GUCY2C: variants seen among roughly 807,000 people sequenced by gnomAD.
GUCY2C encodes guanylate cyclase 2C.
Under a neutral mutation model 131.1 loss-of-function variants are expected in GUCY2C, and 118 were observed. That is an observed-to-expected ratio of 0.90 (90% CI 0.78 to 1.05). The LOEUF (loss-of-function observed/expected upper bound fraction) is 1.05, where lower values mean the gene tolerates loss of function less well. GUCY2C is among the 50% of genes least tolerant of loss of function. The pLI, the probability that GUCY2C is intolerant of heterozygous loss-of-function variation, is 0.00. For missense variants in GUCY2C, 1,161 were observed against 1,304.4 expected, an observed-to-expected ratio of 0.89 and a Z score of 1.69; for synonymous variants, 452 against 457.8, an observed-to-expected ratio of 0.99 and a Z score of 0.16.
intron 25 of GUCY2C, 117 bp downstream of exon 25, chr12:14,616,516 A>T: frequency 1.4e-6 from 1 of 712,068 alleles, no homozygotes; most frequent in Non-Finnish European, 2.6e-6. Flanking sequence ...GAGGGTGCTC[A>T]TCGTGATGAG....
chr12:14,651,602 G>C (rs1947660610), intron 14 of GUCY2C, 91 bp from the exon 15 acceptor site: 1 of 701,704 alleles, frequency 1.4e-6, no homozygotes, highest in Non-Finnish European at 2.6e-6. Context: ...TTTTGTTTCA[G>C]ATCTTTGAGA....
In GUCY2C at chr12:14,643,651, G is replaced by A; in HGVS notation, c.1853C>T (p.Thr618Ile). 6.2e-7 allele frequency: 1 copy of A among 1,612,828 alleles called. No homozygotes were observed. The highest frequency in any genetic ancestry group is 8.5e-7 in the Non-Finnish European group (1 of 1,178,834). Residue 618 changes from threonine to isoleucine, a missense_variant, in exon 17 of 27, where the codon ACC becomes ATC. Physicochemically the swap from Thr to Ile is moderately conservative, Grantham distance 89 (BLOSUM62 -1). Transcript: ENST00000261170. ...CATTCTACTGTCCACTACGCAGTTGGTAGATTTCAGACGACCATGGACTTC... is the reference window on the plus strand; with the variant it reads ...CATTCTACTGTCCACTACGCAGTTGATAGATTTCAGACGACCATGGACTTC... ...KTEVHGRLKS[T>I]NCVVDSRMVV...
intron 10 of GUCY2C, among the ~76,000 whole-genome samples, chr12:14,668,171 T>A (rs1948023647): frequency 6.7e-6 from 1 of 150,338 alleles, no homozygotes; most frequent in Non-Finnish European, 1.5e-5. Context: ...GTCCACTAAT[T>A]TATATATATA....
In GUCY2C at chr12:14,630,195, G is replaced by C. The variant is rs548593805; in HGVS notation, c.2158-1458C>G. ...AAAAACAAGATCATAAGTGATACTA[G>C]ATGCAATCCCTGTCCCTGTACTTTG... is the stretch of plus-strand genomic sequence containing the variant. On this transcript the variant is annotated intron_variant, in intron 19 of 26. Coordinates refer to ENST00000261170, the MANE Select transcript of GUCY2C (RefSeq NM_004963.4). Among the ~76,000 whole-genome samples, 89 of 151,420 alleles carry C rather than the reference G, an allele frequency of 5.9e-4. 2 individuals are homozygous for C. The South Asian group carries it at 0.018, about 31-fold the overall frequency.
intron 19 of GUCY2C, among the ~76,000 whole-genome samples, chr12:14,631,395 T>C (rs3983699): frequency 0.89 from 120,124 of 134,940 alleles, 55,328 homozygotes; most frequent in Non-Finnish European, 1. Flanking sequence ...CCCTACCCCA[T>C]AACAGTCCCC....
intron 10 of GUCY2C, 112 bp downstream of exon 10, chr12:14,669,610 A>C (rs1210484600): frequency 3.2e-6 from 2 of 626,570 alleles, no homozygotes; most frequent in African/African-American, 3.7e-5. Flanking sequence ...TCAAACTGGG[A>C]CAGCAGACAA....
chr12:14,625,459 C>A (rs1378549031), intron 21 of GUCY2C, among the ~76,000 whole-genome samples: 3 of 151,688 alleles, frequency 2.0e-5, no homozygotes, highest in African/African-American at 4.8e-5. Context: ...TCCCGAGTAG[C>A]TGGGACTAAA....
chr12:14,651,224 T>G (rs1349886083), intron 15 of GUCY2C, among the ~76,000 whole-genome samples, 183 bp downstream of exon 15: 1 of 152,222 alleles, frequency 6.6e-6, no homozygotes, highest in Non-Finnish European at 1.5e-5. Flanking sequence ...CCTGAAATTT[T>G]TTTTGCTTGT....
chr12:14,688,100 G>C, intron 1 of GUCY2C, 37 bp from the exon 2 acceptor site: 1 of 1,226,314 alleles, frequency 8.2e-7, no homozygotes, highest in Non-Finnish European at 1.2e-6. Flanking sequence ...GAACACTAGT[G>C]TTATTTTTCA....
chr12:14,634,564 T>A (rs1947220248), intron 19 of GUCY2C, among the ~76,000 whole-genome samples: 1 of 152,164 alleles, frequency 6.6e-6, no homozygotes, highest in South Asian at 2.1e-4. Flanking sequence ...AAAGGATGTA[T>A]AAACAACCAG....
intron 3 of GUCY2C, 138 bp downstream of exon 3, chr12:14,686,023 G>A: frequency 3.3e-6 from 2 of 609,708 alleles, no homozygotes; most frequent in Admixed American, 2.8e-5. Context: ...CTGGATAAGA[G>A]AATGACAGTT....
At chr12:14,620,331 A>G (rs1209347829) in intron 23 of GUCY2C, among the ~76,000 whole-genome samples, 1 of 152,224 alleles carries the variant, frequency 6.6e-6, no homozygotes, top group Non-Finnish European at 1.5e-5. Context: ...TGACCAAATC[A>G]GGGGAACACA....
intron 10 of GUCY2C, among the ~76,000 whole-genome samples, chr12:14,668,477 T>C (rs1178396986): frequency 6.6e-6 from 1 of 151,956 alleles, no homozygotes; most frequent in Non-Finnish European, 1.5e-5. Flanking sequence ...CCTTAATTTA[T>C]AAATGTTTGT....
intron 9 of GUCY2C, 37 bp downstream of exon 9, chr12:14,672,836 C>T (rs1244478369): frequency 8.3e-7 from 1 of 1,205,118 alleles, no homozygotes; most frequent in Non-Finnish European, 1.2e-6. Context: ...CACCCAGTCA[C>T]AGCACCCTGA....
At chr12:14,634,991 A>G (rs1163375564) in intron 19 of GUCY2C, among the ~76,000 whole-genome samples, 1 of 152,246 alleles carries the variant, frequency 6.6e-6, no homozygotes, top group African/African-American at 2.4e-5. Flanking sequence ...ATCTAAAGGA[A>G]GAAGTAGATT....
Position 14,688,277 on chromosome 12 carries a change from A to C in GUCY2C, c.218-214T>G, listed in dbSNP as rs980681666. On this transcript the variant is annotated intron_variant, in intron 1 of 26. Coordinates refer to ENST00000261170, the MANE Select transcript of GUCY2C (RefSeq NM_004963.4). ...ATCTCTGTTTCTCTCTCTCTCTCTCAACAGTTTTATTGAGGTATAATTTAT... is the reference window on the plus strand; with the variant it reads ...ATCTCTGTTTCTCTCTCTCTCTCTCCACAGTTTTATTGAGGTATAATTTAT... 7.5e-5 allele frequency among the ~76,000 whole-genome samples: 11 copies of C among 145,848 alleles called. No individual in the cohort carries two copies. The Admixed American group carries it at 8.0e-4, about 11-fold the overall frequency.
At chr12:14,642,208 C>G (rs1947421248) in intron 17 of GUCY2C, among the ~76,000 whole-genome samples, 1 of 152,146 alleles carries the variant, frequency 6.6e-6, no homozygotes, top group Non-Finnish European at 1.5e-5. Flanking sequence ...TTACTCCTGT[C>G]CCTGCCACTC....
chr12:14,692,237 CAT>C (rs1948587887), intron 1 of GUCY2C, among the ~76,000 whole-genome samples: 1 of 152,106 alleles, frequency 6.6e-6, no homozygotes, highest in African/African-American at 2.4e-5. Flanking sequence ...GGCTATATCA[CAT>C]ATATTCTTGC....
chr12:14,621,152 T>C lies in GUCY2C; in HGVS notation c.2666A>G (p.His889Arg). 6.2e-7 allele frequency: 1 copy of C among 1,613,678 alleles called. No individual in the cohort carries two copies. The highest frequency in any genetic ancestry group is 2.2e-5 in the East Asian group (1 of 44,882). Reference sequence around the variant, plus strand: ...GGCCATCTTGGCAATGTCTATTGCATGCCGATTGCCATTTCTCTTAGGCAA... The same window carrying C: ...GGCCATCTTGGCAATGTCTATTGCACGCCGATTGCCATTTCTCTTAGGCAA... ...SGLPKRNGNR[H>R]AIDIAKMALE... Residue 889 changes from histidine to arginine, a missense_variant, in exon 23 of 27, where the codon CAT becomes CGT. By Grantham distance (29) the His-to-Arg change is conservative (BLOSUM62 0). Transcript: ENST00000261170.
Sources: gnomAD v4.1 joint callset for allele counts (sites outside exome capture counted in the v4.1 genomes callset) on GRCh38, gnomAD v4.1.1 for gene constraint, MANE v1.5 for transcripts, NCBI Gene and HGNC (gene_info 2026-07-23, HGNC 2026-07-21) for gene names.